Variants in DSCAM observed in about 807,000 individuals in gnomAD.
DSCAM encodes cell adhesion molecule DSCAM.
Under a neutral mutation model 217.7 loss-of-function variants are expected in DSCAM, and 47 were observed. That is an observed-to-expected ratio of 0.22 (90% CI 0.17 to 0.28). DSCAM has a LOEUF of 0.28. Among genes scored for constraint, DSCAM ranks in the 10% least tolerant of loss-of-function variants. DSCAM has a pLI of 1.00. For missense variants in DSCAM, 2,080 were observed against 2,618.3 expected (o/e 0.79, Z 4.49); for synonymous variants, 1,056 against 1,015.3 (o/e 1.04, Z -0.76).
chr21:40,715,137 C>G (rs2090827982), intron 1 of DSCAM, among the ~76,000 whole-genome samples: 1 of 152,202 alleles, frequency 6.6e-6, no homozygotes, highest in African/African-American at 2.4e-5. Context: ...TCTGTGTATT[C>G]TGTTTTAGTA....
At chr21:40,320,790 C>T (rs774441981) in intron 8 of DSCAM, among the ~76,000 whole-genome samples, 1 of 152,106 alleles carries the variant, frequency 6.6e-6, no homozygotes, top group Non-Finnish European at 1.5e-5. Context: ...GAAACTGCCC[C>T]CATGATTCAA....
intron 1 of DSCAM, among the ~76,000 whole-genome samples, chr21:40,778,990 C>T (rs1340960414): frequency 7.4e-6 from 1 of 134,488 alleles, no homozygotes; most frequent in Non-Finnish European, 1.5e-5. Context: ...TGCCATTGCA[C>T]TCCAGCCTGG....
chr21:40,330,308 T>C (rs952385223), intron 8 of DSCAM, among the ~76,000 whole-genome samples: 4 of 147,276 alleles, frequency 2.7e-5, no homozygotes, highest in East Asian at 3.9e-4. Context: ...TATTTATATA[T>C]AATAAATTAT....
At chr21:40,467,423 T>G (rs1371880258) in intron 3 of DSCAM, among the ~76,000 whole-genome samples, 1 of 152,266 alleles carries the variant, frequency 6.6e-6, no homozygotes, top group Non-Finnish European at 1.5e-5. Flanking sequence ...GCAGAAGTTT[T>G]CAAATGACTA....
Position 40,044,145 on chromosome 21 carries a change from T to C in DSCAM, c.5316A>G (p.Thr1772=). The change falls in exon 31 of 33, where the codon ACA becomes ACG. Residue 1772 remains threonine (T), a synonymous_variant. Transcript: ENST00000400454. ...HTLTTDWRLP[T]PRAAGSVDKE... ...TGTCTACTGATCCTGCAGCCCTGGG[T>C]GTTGGCAGCCTCCAGTCTGTGGTGA... 6.2e-7 allele frequency: 1 copy of C among 1,614,058 alleles called. No homozygotes were observed. The highest frequency in any genetic ancestry group is 8.5e-7 in the Non-Finnish European group (1 of 1,180,010).
chr21:40,582,744 G>C (rs1394223625), intron 3 of DSCAM, among the ~76,000 whole-genome samples: 1 of 152,036 alleles, frequency 6.6e-6, no homozygotes, highest in Non-Finnish European at 1.5e-5. Flanking sequence ...ACTAGAAGTT[G>C]AGATGATATT....
chr21:40,577,236 T>A (rs2076858610), intron 3 of DSCAM, among the ~76,000 whole-genome samples: 1 of 91,750 alleles, frequency 1.1e-5, no homozygotes, highest in Non-Finnish European at 2.1e-5. Flanking sequence ...ACTCAAAAGC[T>A]TTATTAAAAA....
At chr21:40,529,307 G>A (rs780317635) in intron 3 of DSCAM, among the ~76,000 whole-genome samples, 3 of 152,160 alleles carry the variant, frequency 2.0e-5, no homozygotes, top group Admixed American at 6.5e-5. Context: ...GCTAAGAGGC[G>A]CTGGCATGCA....
At chr21:40,412,306 A>G (rs1256965667) in intron 3 of DSCAM, among the ~76,000 whole-genome samples, 1 of 152,218 alleles carries the variant, frequency 6.6e-6, no homozygotes, top group Admixed American at 6.5e-5. Context: ...GCAACTGGGT[A>G]ACAAGAAGAG....
At chr21:40,153,230 TC>T (rs1349367354) in intron 16 of DSCAM, among the ~76,000 whole-genome samples, 1 of 152,194 alleles carries the variant, frequency 6.6e-6, no homozygotes, top group East Asian at 1.9e-4. Context: ...TAACTGGGCA[TC>T]TGTTCTACAC....
chr21:40,550,022 T>C (rs2076616623), intron 3 of DSCAM, among the ~76,000 whole-genome samples: 1 of 152,156 alleles, frequency 6.6e-6, no homozygotes, highest in Non-Finnish European at 1.5e-5. Flanking sequence ...TATTTTGAGT[T>C]CTTGACGTTA....
chr21:40,013,088 G>T lies in DSCAM; in HGVS notation c.5985C>A (p.Ser1995=). 1 of 1,582,052 alleles carries T rather than the reference G, an allele frequency of 6.3e-7. No homozygotes were observed. The highest frequency in any genetic ancestry group is 8.6e-7 in the Non-Finnish European group (1 of 1,161,392). The part of the protein sequence containing the change: ...MSSSQESLLD[S]RGHLKGNNPY... ...GATTGTTTCCTTTCAAATGGCCCCG[G>T]GAGTCGAGCAGTGATTCTTGGGAGC... Residue 1995 remains serine (S), a synonymous_variant, in exon 33 of 33, where the codon TCC becomes TCA. Coordinates refer to ENST00000400454, the MANE Select transcript of DSCAM (RefSeq NM_001389.5).
intron 8 of DSCAM, among the ~76,000 whole-genome samples, chr21:40,334,707 A>C (rs1235581011): frequency 1.7e-5 from 2 of 116,972 alleles, no homozygotes; most frequent in Non-Finnish European, 3.5e-5. Flanking sequence ...ACAGGTGCAA[A>C]TATAGTGCAC....
intron 3 of DSCAM, among the ~76,000 whole-genome samples, chr21:40,617,051 C>G (rs1259993913): frequency 6.8e-6 from 1 of 147,320 alleles, no homozygotes; most frequent in African/African-American, 2.5e-5. Flanking sequence ...TATGAGACAC[C>G]AGAAATAGAC....
chr21:40,356,043 A>T (rs932573782), intron 4 of DSCAM, among the ~76,000 whole-genome samples: 1 of 152,204 alleles, frequency 6.6e-6, no homozygotes, highest in Non-Finnish European at 1.5e-5. Context: ...GTGTATATGT[A>T]TATCAACACT....
At chr21:40,183,414 T>C (rs971837735) in intron 14 of DSCAM, among the ~76,000 whole-genome samples, 9 of 152,214 alleles carry the variant, frequency 5.9e-5, no homozygotes, top group Admixed American at 2.0e-4. Flanking sequence ...ACAGCTTCAC[T>C]GTGCCTGTGC....
intron 3 of DSCAM, among the ~76,000 whole-genome samples, chr21:40,421,483 T>C (rs1261977136): frequency 6.6e-6 from 1 of 152,194 alleles, no homozygotes; most frequent in Admixed American, 6.5e-5. Flanking sequence ...CATTTGTGCT[T>C]GTGGGATTGG....
intron 20 of DSCAM, among the ~76,000 whole-genome samples, chr21:40,099,915 G>T (rs1249644800): frequency 1.3e-5 from 2 of 152,196 alleles, no homozygotes; most frequent in Non-Finnish European, 2.9e-5. Flanking sequence ...AGGACACAGA[G>T]CTTGGTAAGT....
chr21:40,501,169 T>G (rs1231359327), intron 3 of DSCAM, among the ~76,000 whole-genome samples: 2 of 152,224 alleles, frequency 1.3e-5, no homozygotes, highest in African/African-American at 4.8e-5. Flanking sequence ...AGGATAAGTA[T>G]GCTCCACACA....
Sources: gnomAD v4.1 joint callset for allele counts (sites outside exome capture counted in the v4.1 genomes callset) on GRCh38, gnomAD v4.1.1 for gene constraint, MANE v1.5 for transcripts, NCBI Gene and HGNC (gene_info 2026-07-23, HGNC 2026-07-21) for gene names.